ANO2: variants seen among roughly 807,000 people sequenced by gnomAD.
The protein encoded by ANO2 is anoctamin 2.
ANO2 carries 101 observed loss-of-function variants against 124.2 expected under a neutral mutation model. The observed-to-expected ratio is 0.81, with a 90% CI of 0.69 to 0.96. The LOEUF is 0.96. ANO2 is among the 40% of genes least tolerant of loss of function. The probability of loss-of-function intolerance (pLI) is 0.00; values close to 1 mark genes in which losing one functional copy is unlikely to be tolerated. For missense variants in ANO2, 1,293 were observed against 1,274.5 expected, an observed-to-expected ratio of 1.01 and a Z score of -0.22; for synonymous variants, 486 against 482.5, an observed-to-expected ratio of 1.01 and a Z score of -0.09.
At chr12:5,940,947 T>C (rs1482144760) in intron 1 of ANO2, among the ~76,000 whole-genome samples, 1 of 152,204 alleles carries the variant, frequency 6.6e-6, no homozygotes, top group African/African-American at 2.4e-5. Context: ...CCGATATGTG[T>C]AACAATACAC....
intron 3 of ANO2, among the ~76,000 whole-genome samples, chr12:5,918,973 G>C (rs1340414270): frequency 6.6e-6 from 1 of 152,192 alleles, no homozygotes; most frequent in Non-Finnish European, 1.5e-5. Context: ...CATATACTCA[G>C]CTGACACTTA....
At chr12:5,727,120 G>T (rs904257252) in intron 14 of ANO2, among the ~76,000 whole-genome samples, 2 of 152,130 alleles carry the variant, frequency 1.3e-5, no homozygotes, top group Non-Finnish European at 2.9e-5. Context: ...TGTAATCCTC[G>T]GTGCTGGAGG....
chr12:5,890,464 A>T (rs1939311645), intron 3 of ANO2, among the ~76,000 whole-genome samples: 1 of 152,148 alleles, frequency 6.6e-6, no homozygotes, highest in Admixed American at 6.5e-5. Flanking sequence ...TTCTTAGGCA[A>T]CTCTGTCTTC....
chr12:5,839,331 A>G (rs948114398), intron 4 of ANO2, among the ~76,000 whole-genome samples: 1 of 152,176 alleles, frequency 6.6e-6, no homozygotes, highest in Admixed American at 6.5e-5. Context: ...GACTGGAGAG[A>G]GAACTGTCTG....
At chr12:5,764,515 C>A (rs950981196) in intron 10 of ANO2, among the ~76,000 whole-genome samples, 1 of 152,178 alleles carries the variant, frequency 6.6e-6, no homozygotes, top group Non-Finnish European at 1.5e-5. Context: ...TCAAATCCAA[C>A]AAGTCTAATG....
intron 19 of ANO2, among the ~76,000 whole-genome samples, chr12:5,601,344 T>A (rs367733726): frequency 1.7e-4 from 26 of 152,210 alleles, no homozygotes; most frequent in African/African-American, 6.3e-4. Flanking sequence ...CAGAAGGATT[T>A]AAAGAGTGAG....
intron 16 of ANO2, among the ~76,000 whole-genome samples, chr12:5,615,732 A>C (rs545472292): frequency 2.6e-5 from 4 of 152,282 alleles, no homozygotes; most frequent in Admixed American, 6.5e-5. Flanking sequence ...CTAGAGTTAC[A>C]AGGGTACCAT....
rs915113364 is a variant in ANO2 at position 5,724,231 on chromosome 12, G to C, written c.1545+8289C>G. On this transcript the variant is annotated intron_variant, in intron 14 of 24. Transcript: ENST00000682330. Reference sequence around the variant, plus strand: ...TCTGGCAAAATAAGGCTCTTTCTGTGCCTCAGTGTTTCCCTTTGCCAACGA... The same window carrying C: ...TCTGGCAAAATAAGGCTCTTTCTGTCCCTCAGTGTTTCCCTTTGCCAACGA... Among the ~76,000 whole-genome samples, 8 of 152,026 alleles carry C rather than the reference G, an allele frequency of 5.3e-5. No homozygotes were observed. In the East Asian group the frequency reaches 1.5e-3, roughly 29 times the overall value.
At chr12:5,595,934 C>T (rs558570146) in intron 20 of ANO2, among the ~76,000 whole-genome samples, 14 of 152,310 alleles carry the variant, frequency 9.2e-5, no homozygotes, top group African/African-American at 3.4e-4. Context: ...GTGATTTATA[C>T]TCACTGAAAG....
At chr12:5,740,087 T>A in intron 12 of ANO2, 1 of 419,782 alleles carries the variant, frequency 2.4e-6, no homozygotes, top group Non-Finnish European at 4.8e-6. Context: ...CCAGCACGCC[T>A]TTCTCAGCAT....
intron 10 of ANO2, among the ~76,000 whole-genome samples, chr12:5,765,071 C>G (rs547272200): frequency 6.6e-6 from 1 of 152,252 alleles, no homozygotes; most frequent in East Asian, 1.9e-4. Context: ...AGCCTGAGCA[C>G]AGAGTCTAGA....
At chr12:5,582,829 G>A (rs571208830) in intron 20 of ANO2, among the ~76,000 whole-genome samples, 29 of 152,264 alleles carry the variant, frequency 1.9e-4, no homozygotes, top group African/African-American at 7.0e-4. Flanking sequence ...CTGGTCGGCT[G>A]AGTAGGATGC....
chr12:5,858,647 A>G (rs1446827734), intron 3 of ANO2: 1 of 152,224 alleles, frequency 6.6e-6, no homozygotes, highest in African/African-American at 2.4e-5. Flanking sequence ...GAAATGTTGC[A>G]TGGCTGTTGT....
intron 7 of ANO2, among the ~76,000 whole-genome samples, chr12:5,824,316 T>A (rs1034203815): frequency 6.6e-6 from 1 of 152,222 alleles, no homozygotes; most frequent in African/African-American, 2.4e-5. Context: ...TAAAACTGAA[T>A]GCTTTTAACA....
At chr12:5,656,102 G>A (rs1206223109) in intron 14 of ANO2, among the ~76,000 whole-genome samples, 1 of 152,202 alleles carries the variant, frequency 6.6e-6, no homozygotes, top group Non-Finnish European at 1.5e-5. Context: ...AAGGTGAGGG[G>A]AGAGCAGCTA....
chr12:5,638,101 G>A (rs527498822), intron 15 of ANO2, among the ~76,000 whole-genome samples: 1 of 152,294 alleles, frequency 6.6e-6, no homozygotes, highest in African/African-American at 2.4e-5. Flanking sequence ...GCAACAATGT[G>A]ATTGATCCAA....
intron 8 of ANO2, 129 bp downstream of exon 8, chr12:5,807,183 AG>A (rs1228632068): frequency 3.3e-5 from 24 of 728,106 alleles, no homozygotes; most frequent in South Asian, 1.0e-4. Context: ...GGGTCAGTCA[AG>A]GTATTTTAAT....
At chr12:5,933,907 C>T (rs1336907992) in intron 1 of ANO2, among the ~76,000 whole-genome samples, 1 of 152,148 alleles carries the variant, frequency 6.6e-6, no homozygotes, top group Admixed American at 6.5e-5. Context: ...TTCAGATTTG[C>T]CTTTTTTATC....
intron 23 of ANO2, among the ~76,000 whole-genome samples, chr12:5,566,437 T>A (rs979477681): frequency 6.6e-6 from 1 of 152,196 alleles, no homozygotes; most frequent in Admixed American, 6.5e-5. Flanking sequence ...ATGTGAATAC[T>A]AGCTCATTTT....
Sources: gnomAD v4.1 joint callset for allele counts (sites outside exome capture counted in the v4.1 genomes callset) on GRCh38, gnomAD v4.1.1 for gene constraint, MANE v1.5 for transcripts, NCBI Gene and HGNC (gene_info 2026-07-23, HGNC 2026-07-21) for gene names.